Variants in PLEKHM3 observed in about 807,000 individuals in gnomAD.
PLEKHM3 encodes pleckstrin homology domain containing M3.
PLEKHM3 carries 45 observed loss-of-function variants against 81.8 expected under a neutral mutation model. The observed-to-expected ratio is 0.55, with a 90% confidence interval of 0.43 to 0.71. The LOEUF is 0.71. Among genes scored for constraint, PLEKHM3 ranks in the 30% least tolerant of loss-of-function variants. PLEKHM3 has a pLI of 0.00. For missense variants in PLEKHM3, 788 were observed against 924.3 expected, an observed-to-expected ratio of 0.85 and a Z score of 1.91; for synonymous variants, 352 against 356.4, an observed-to-expected ratio of 0.99 and a Z score of 0.14.
At chr2:207,851,624 C>A (rs2092413119) in intron 7 of PLEKHM3, 1 of 151,094 alleles carries the variant, frequency 6.6e-6, no homozygotes, top group Non-Finnish European at 1.5e-5. Flanking sequence ...CCTGTAATCC[C>A]AGATACACCG....
At chr2:207,973,793 A>C (rs190403508) in intron 3 of PLEKHM3, among the ~76,000 whole-genome samples, 1 of 152,288 alleles carries the variant, frequency 6.6e-6, no homozygotes, top group East Asian at 1.9e-4. Flanking sequence ...GGTATGAAAA[A>C]CAACCTGGTA....
At chr2:207,982,244 G>A (rs1320699887) in intron 2 of PLEKHM3, among the ~76,000 whole-genome samples, 4 of 69,588 alleles carry the variant, frequency 5.7e-5, no homozygotes, top group South Asian at 4.2e-4. Flanking sequence ...TCCCCCCCTC[G>A]CTCCCCCCCT....
intron 7 of PLEKHM3, among the ~76,000 whole-genome samples, chr2:207,834,006 C>T (rs545256058): frequency 4.9e-4 from 74 of 152,270 alleles, no homozygotes; most frequent in African/African-American, 1.6e-3. Flanking sequence ...TGGCAAAAAT[C>T]GCACTTGCTT....
chr2:207,945,451 G>A (rs1328288303), intron 4 of PLEKHM3, among the ~76,000 whole-genome samples: 1 of 152,214 alleles, frequency 6.6e-6, no homozygotes, highest in African/African-American at 2.4e-5. Flanking sequence ...AAACAGCAGT[G>A]CTGACAAAGG....
intron 6 of PLEKHM3, among the ~76,000 whole-genome samples, chr2:207,865,793 AAAAAAAAAAG>A (rs1362925979): frequency 2.9e-4 from 11 of 37,790 alleles, no homozygotes; most frequent in African/African-American, 9.0e-4. Flanking sequence ...AAAAAAAAAA[AAAAAAAAAAG>A]ATATATATAT....
chr2:207,878,774 G>C (rs1255260099), intron 6 of PLEKHM3, among the ~76,000 whole-genome samples: 1 of 152,186 alleles, frequency 6.6e-6, no homozygotes, highest in Non-Finnish European at 1.5e-5. Context: ...TGGACTCTCA[G>C]AGCTTAAGCC....
intron 7 of PLEKHM3, among the ~76,000 whole-genome samples, chr2:207,859,317 T>C (rs1361290336): frequency 2.0e-5 from 3 of 151,954 alleles, no homozygotes; most frequent in Admixed American, 2.0e-4. Context: ...TTTGTATTTT[T>C]AGTAGAGACG....
chr2:207,956,545 T>A (rs541304712), intron 3 of PLEKHM3, among the ~76,000 whole-genome samples: 63 of 148,144 alleles, frequency 4.3e-4, no homozygotes, highest in Non-Finnish European at 6.9e-4. Context: ...AAAAAAAAAA[T>A]TTTTTTTTTT....
intron 1 of PLEKHM3, among the ~76,000 whole-genome samples, chr2:208,022,938 T>C (rs1693174950): frequency 6.6e-6 from 1 of 152,218 alleles, no homozygotes; most frequent in Non-Finnish European, 1.5e-5. Flanking sequence ...TTGTGTTCTT[T>C]ATAATTAAAC....
intron 3 of PLEKHM3, among the ~76,000 whole-genome samples, chr2:207,957,879 G>A (rs1395876779): frequency 6.6e-6 from 1 of 152,174 alleles, no homozygotes; most frequent in Non-Finnish European, 1.5e-5. Flanking sequence ...GTCCCAACAG[G>A]GGATATTTGT....
chr2:207,929,504 AT>A (rs1287567549), intron 5 of PLEKHM3, among the ~76,000 whole-genome samples: 1 of 152,266 alleles, frequency 6.6e-6, no homozygotes, highest in African/African-American at 2.4e-5. Context: ...ACTGAAAATA[AT>A]AGAACATACT....
intron 3 of PLEKHM3, among the ~76,000 whole-genome samples, chr2:207,972,134 C>A (rs1691143236): frequency 6.6e-6 from 1 of 152,232 alleles, no homozygotes; most frequent in Admixed American, 6.5e-5. Flanking sequence ...TCCTCCAGCA[C>A]TGACCCATCT....
chr2:207,959,538 TC>T (rs1191730180), intron 3 of PLEKHM3, among the ~76,000 whole-genome samples: 1 of 152,196 alleles, frequency 6.6e-6, no homozygotes, highest in Non-Finnish European at 1.5e-5. Flanking sequence ...ACATACAGTG[TC>T]CTACCAGGGT....
chr2:207,953,907 A>G (rs893255338), intron 3 of PLEKHM3, among the ~76,000 whole-genome samples: 3 of 152,156 alleles, frequency 2.0e-5, no homozygotes, highest in Non-Finnish European at 4.4e-5. Context: ...GGTGACACAC[A>G]TTTAGGTTAA....
intron 7 of PLEKHM3, among the ~76,000 whole-genome samples, chr2:207,857,349 T>G (rs1187891924): frequency 2.0e-5 from 3 of 152,214 alleles, no homozygotes; most frequent in African/African-American, 7.2e-5. Flanking sequence ...TCTGATACAG[T>G]GGAGTTTGGC....
intron 6 of PLEKHM3, among the ~76,000 whole-genome samples, chr2:207,862,056 A>G (rs1559211229): frequency 1.3e-5 from 2 of 152,096 alleles, no homozygotes; most frequent in South Asian, 2.1e-4. Context: ...TGCCTTCCAC[A>G]GTGGCCTCAC....
intron 7 of PLEKHM3, among the ~76,000 whole-genome samples, chr2:207,848,393 C>T (rs2092395826): frequency 6.6e-6 from 1 of 152,148 alleles, no homozygotes; most frequent in Admixed American, 6.6e-5. Context: ...TAAGTGACAA[C>T]TTTAGGCAAA....
chr2:207,937,926 T>C (rs749901904), intron 4 of PLEKHM3, among the ~76,000 whole-genome samples: 23 of 152,182 alleles, frequency 1.5e-4, no homozygotes, highest in Admixed American at 7.9e-4. Flanking sequence ...TAATTACAAT[T>C]TGTTCTCAGA....
intron 2 of PLEKHM3, among the ~76,000 whole-genome samples, chr2:207,980,394 C>T (rs2106040622): frequency 6.6e-6 from 1 of 152,198 alleles, no homozygotes; most frequent in African/African-American, 2.4e-5. Context: ...GTTCCCTCAC[C>T]TTCTAGATGC....
Sources: allele counts gnomAD v4.1 joint callset (sites outside exome capture counted in the v4.1 genomes callset), GRCh38; gene constraint gnomAD v4.1.1; transcripts MANE v1.5; gene names NCBI Gene and HGNC (gene_info 2026-07-23, HGNC 2026-07-21).